PM20D2: variants seen among roughly 807,000 people sequenced by gnomAD.
The protein encoded by PM20D2 is xaa-Arg dipeptidase.
Under a neutral mutation model 42.9 loss-of-function variants are expected in PM20D2, and 33 were observed. The observed-to-expected ratio is 0.77, with a 90% CI of 0.58 to 1.03. The LOEUF is 1.03. Among genes scored for constraint, PM20D2 ranks in the 50% least tolerant of loss-of-function variants. The probability of loss-of-function intolerance (pLI) is 0.00; values close to 1 mark genes in which losing one functional copy is unlikely to be tolerated. For synonymous variants in PM20D2, 250 were observed against 228.2 expected (o/e 1.10, Z -0.86); for missense variants, 548 against 557.0 (o/e 0.98, Z 0.16).
the PM20D2 span, among the ~76,000 whole-genome samples, chr6:89,094,888 C>T: frequency 2.7e-5 from 4 of 150,920 alleles, no homozygotes; most frequent in Non-Finnish European, 5.9e-5. Context: ...TCCAAGGTTG[C>T]ATAGCTAGTA....
chr6:89,105,353 T>A, the PM20D2 span: 1 of 1,562,038 alleles, frequency 6.4e-7, no homozygotes, highest in Non-Finnish European at 8.7e-7. Context: ...TGAAAGAATT[T>A]TAAATTAAAA....
At chr6:89,148,491 G>A in intron 1 of PM20D2, 5 of 941,970 alleles carry the variant, frequency 5.3e-6, no homozygotes, top group Non-Finnish European at 6.3e-6. Context: ...AAAGTAAAAT[G>A]TTTATTCTGT....
chr6:89,126,568 C>T, the PM20D2 span, among the ~76,000 whole-genome samples: 1 of 151,104 alleles, frequency 6.6e-6, no homozygotes, highest in African/African-American at 2.4e-5. Context: ...CCTATAATCC[C>T]AGCTACTCGG....
chr6:89,158,209 A>T, intron 4 of PM20D2, 116 bp from the exon 5 acceptor site: 1 of 887,592 alleles, frequency 1.1e-6, no homozygotes, highest in African/African-American at 1.7e-5. Context: ...TTATATCTGG[A>T]AGGGAAAGTA....
At chr6:89,126,873 T>C in the PM20D2 span, among the ~76,000 whole-genome samples, 4 of 152,104 alleles carry the variant, frequency 2.6e-5, no homozygotes, top group Non-Finnish European at 5.9e-5. Flanking sequence ...ACCTAAAATA[T>C]CTTGTCATAT....
chr6:89,160,935 G>C (rs527826861), intron 5 of PM20D2, among the ~76,000 whole-genome samples: 1 of 152,114 alleles, frequency 6.6e-6, no homozygotes, highest in Admixed American at 6.5e-5. Flanking sequence ...CTAGGGCATC[G>C]AGAGTAGTGG....
intron 4 of PM20D2, among the ~76,000 whole-genome samples, chr6:89,156,592 GT>G (rs1041321512): frequency 5.3e-5 from 8 of 152,154 alleles, no homozygotes; most frequent in African/African-American, 1.9e-4. Flanking sequence ...CATATGTTAC[GT>G]GTCCTGAGAG....
At chr6:89,117,782 C>T in the PM20D2 span, 5 of 1,523,738 alleles carry the variant, frequency 3.3e-6, no homozygotes, top group African/African-American at 5.8e-5. Flanking sequence ...TGTTACCCCG[C>T]CCCTCCTCCG....
chr6:89,108,518 C>A, the PM20D2 span, among the ~76,000 whole-genome samples: 1 of 152,234 alleles, frequency 6.6e-6, no homozygotes, highest in South Asian at 2.1e-4. Flanking sequence ...CTACACCCTA[C>A]TGCTTCATGG....
At chr6:89,153,308 T>C (rs1320990103) in intron 3 of PM20D2, 123 bp downstream of exon 3, 25 of 730,020 alleles carry the variant, frequency 3.4e-5, no homozygotes, top group Non-Finnish European at 4.8e-5. Flanking sequence ...AATATTCTGA[T>C]TTTTAAGCAT....
chr6:89,121,594 A>G, the PM20D2 span, among the ~76,000 whole-genome samples: 2 of 152,204 alleles, frequency 1.3e-5, no homozygotes, highest in Non-Finnish European at 2.9e-5. Flanking sequence ...GCCATTTAAC[A>G]AAAGTATTGC....
In PM20D2 at chr6:89,146,113, A is replaced by G. The variant is rs1164705956; in HGVS notation, c.-32A>G. On this transcript the variant is annotated 5_prime_UTR_variant, in exon 1 of 7. Transcript: ENST00000275072. ...CTACCTGCGGCCGAGCCAGGGAGCG[A>G]GAGGGCGCAGAGGGCAGCGGGCTTG... 1.4e-6 allele frequency: 2 copies of G among 1,398,006 alleles called. No homozygotes were observed. Among genetic ancestry groups the G allele is most frequent in the Non-Finnish European group, 9.3e-7 (1 of 1,080,628 alleles). 86.6% of individuals were successfully genotyped at this position (1,398,006 alleles called of 1,614,324 possible).
the PM20D2 span, among the ~76,000 whole-genome samples, chr6:89,104,725 A>T: frequency 6.6e-6 from 1 of 152,186 alleles, no homozygotes; most frequent in South Asian, 2.1e-4. Context: ...ACATTAAGCA[A>T]AATGACTAAG....
At chr6:89,142,487 A>G (rs1770356793), upstream of PM20D2, among the ~76,000 whole-genome samples, 1 of 152,210 alleles carries the variant, frequency 6.6e-6, no homozygotes, top group South Asian at 2.1e-4. Flanking sequence ...AAATTGCTGT[A>G]GTTCCAAGTA....
the PM20D2 span, chr6:89,105,561 G>A: frequency 3.5e-6 from 5 of 1,431,916 alleles, no homozygotes; most frequent in Non-Finnish European, 4.7e-6. Context: ...CTTTGAACAT[G>A]AGATATCAAG....
At chr6:89,117,798 C>A in the PM20D2 span, 1 of 1,543,516 alleles carries the variant, frequency 6.5e-7, no homozygotes. Flanking sequence ...CTCCGCGCCC[C>A]CAACCTGCAG....
At chr6:89,150,531 C>CT (rs753768538) in intron 2 of PM20D2, among the ~76,000 whole-genome samples, 13,514 of 59,268 alleles carry the variant, frequency 0.23, 5,141 homozygotes, top group Non-Finnish European at 0.27. Context: ...CTGATCATCT[C>CT]TTTTTTTTTT....
chr6:89,151,234 C>CTTTT (rs543608362), intron 2 of PM20D2, among the ~76,000 whole-genome samples: 1 of 133,260 alleles, frequency 7.5e-6, no homozygotes, highest in African/African-American at 2.8e-5. Flanking sequence ...CTTAAAAATT[C>CTTTT]TTTTTTTTTT....
chr6:89,146,445 G>C lies in PM20D2; in HGVS notation c.301G>C (p.Ala101Pro). The C allele has an allele frequency of 6.6e-7, 1 of 1,522,454 alleles. No individual in the cohort carries two copies. Among genetic ancestry groups the C allele is most frequent in the South Asian group, 1.2e-5 (1 of 82,562 alleles). The allele number at this position is 1,522,454 out of a possible 1,614,324, so 94.3% of individuals were successfully genotyped here. The change falls in exon 1 of 7, where the codon GCC (alanine) becomes CCC (proline). Residue 101 changes from alanine to proline, a missense_variant. Ala to Pro is a conservative substitution (Grantham distance 27, BLOSUM62 -1). Around this residue, in one of 3 missense-constraint regions of PM20D2, gnomAD observed 470 missense variants for 464.4 expected, o/e 1.01. Coordinates refer to ENST00000275072, the MANE Select transcript of PM20D2 (RefSeq NM_001010853.3). ...WEPPEARAPS[A>P]TPRPLHLGFL... The stretch of plus-strand genomic sequence containing the variant: ...GCCGCCGGAGGCCCGGGCACCGAGC[G>C]CCACGCCACGCCCGCTGCACCTGGG...
Sources: gnomAD v4.1 joint callset for allele counts (sites outside exome capture counted in the v4.1 genomes callset) on GRCh38, gnomAD v4.1.1 for gene constraint, gnomAD v4.1.1 regional missense constraint, MANE v1.5 for transcripts, NCBI Gene and HGNC (gene_info 2026-07-23, HGNC 2026-07-21) for gene names.